Variants in DMXL2 observed in about 807,000 individuals in gnomAD.
DMXL2 encodes the protein dmX-like protein 2.
In DMXL2, 103 loss-of-function variants were observed where a neutral mutation model predicts 331.1. The ratio of observed to expected loss-of-function variants is 0.31; its 90% CI spans 0.27 to 0.37. The LOEUF is 0.37. DMXL2 is among the 10% of genes least tolerant of loss of function. DMXL2 has a pLI of 1.00. For missense variants in DMXL2, 3,171 were observed against 3,642.9 expected (o/e 0.87, Z 3.33); for synonymous variants, 1,281 against 1,252.1 (o/e 1.02, Z -0.49).
intron 15 of DMXL2, among the ~76,000 whole-genome samples, chr15:51,509,455 A>G (rs973245178): frequency 2.0e-5 from 3 of 152,266 alleles, no homozygotes; most frequent in Non-Finnish European, 2.9e-5. Flanking sequence ...TAGAAAATCT[A>G]GAAGAAATGG....
intron 20 of DMXL2, among the ~76,000 whole-genome samples, chr15:51,490,248 T>C (rs762559861): frequency 2.0e-5 from 3 of 152,204 alleles, no homozygotes; most frequent in African/African-American, 4.8e-5. Context: ...CTGAGAACCA[T>C]GCACACCAGA....
In DMXL2 at chr15:51,577,855, T is replaced by C. The variant is rs563539941; in HGVS notation, c.88-1674A>G. On this transcript the variant is annotated intron_variant, in intron 1 of 43. Transcript: ENST00000560891. The stretch of plus-strand genomic sequence containing the variant: ...TTTAAGTTCCCTAAGCATTTCCTCA[T>C]GGTAAAATGAAGCAAATAATACTTG... Among the ~76,000 whole-genome samples the C allele has an allele frequency of 8.7e-4, 132 of 152,322 alleles. No individual in the cohort carries two copies. In the Middle Eastern group the frequency reaches 0.01, roughly 12 times the overall value.
chr15:51,572,267 A>T (rs2050724095), intron 2 of DMXL2, among the ~76,000 whole-genome samples: 1 of 122,782 alleles, frequency 8.1e-6, no homozygotes, highest in Non-Finnish European at 1.9e-5. Flanking sequence ...GACCAATAAG[A>T]GGTTCTGAAA....
Position 51,465,603 on chromosome 15 carries a change from G to T in DMXL2, c.7569C>A (p.Val2523=). ...LTMVKLALHN[V]KNFFPIAGLE... Reference sequence around the variant, plus strand: ...GTCCAGCAATAGGAAAGAAATTCTTGACATTGTGAAGTGCTAGTTTAACCA... The same window carrying T: ...GTCCAGCAATAGGAAAGAAATTCTTTACATTGTGAAGTGCTAGTTTAACCA... Residue 2523 remains valine, a synonymous_variant, in exon 31 of 44, where the codon GTC becomes GTA. Coordinates refer to ENST00000560891, the MANE Select transcript of DMXL2 (RefSeq NM_001378457.1). The T allele has an allele frequency of 6.2e-7, 1 of 1,608,000 alleles. No individual in the cohort carries two copies. The highest frequency in any genetic ancestry group is 8.5e-7 in the Non-Finnish European group (1 of 1,178,112).
chr15:51,575,262 C>T (rs2050945092), intron 2 of DMXL2, among the ~76,000 whole-genome samples: 1 of 151,996 alleles, frequency 6.6e-6, no homozygotes, highest in African/African-American at 2.4e-5. Flanking sequence ...TATTTATCAC[C>T]ATGAATATTC....
Position 51,470,596 on chromosome 15 carries a change from C to T in DMXL2, c.7392+627G>A, listed in dbSNP as rs780083012. Among the ~76,000 whole-genome samples, 53 of 152,166 alleles carry T rather than the reference C, an allele frequency of 3.5e-4. 1 individual carries two copies. Among genetic ancestry groups the T allele is most frequent in the Admixed American group, 1.3e-3 (20 of 15,280 alleles). On this transcript the variant is annotated intron_variant, in intron 29 of 43. Coordinates refer to ENST00000560891, the MANE Select transcript of DMXL2 (RefSeq NM_001378457.1). ...AGGCATGACTCTGGAGATGTATTCC[C>T]TCATGTGTATGCACAGCAAGGTAAC...
intron 6 of DMXL2, among the ~76,000 whole-genome samples, chr15:51,562,649 T>G (rs186263375): frequency 3.3e-5 from 5 of 152,018 alleles, no homozygotes; most frequent in Non-Finnish European, 7.4e-5. Flanking sequence ...ATTAGGTATA[T>G]AGAAAAAAAA....
chr15:51,569,130 C>T (rs2050485758), intron 2 of DMXL2, among the ~76,000 whole-genome samples: 1 of 152,226 alleles, frequency 6.6e-6, no homozygotes, highest in Admixed American at 6.5e-5. Flanking sequence ...AGGAAATTTT[C>T]TCCAGTGTCT....
intron 1 of DMXL2, among the ~76,000 whole-genome samples, chr15:51,622,167 G>C (rs1006417739): frequency 6.6e-6 from 1 of 152,210 alleles, no homozygotes; most frequent in Non-Finnish European, 1.5e-5. Context: ...AGACCGAAGG[G>C]CCGCCCTAGG....
intron 1 of DMXL2, among the ~76,000 whole-genome samples, chr15:51,586,518 G>A (rs975994630): frequency 7.9e-5 from 12 of 151,792 alleles, no homozygotes; most frequent in African/African-American, 2.9e-4. Context: ...TGGCCTGAAA[G>A]AAAGAACTTT....
rs1204943773 is a variant in DMXL2, at chr15:51,538,868, TG to T, written c.1106-417del. ...GAGAATTTTAGGAGATACTTGCTAATGTAAGGGTGATACACCATGATAGGTG... is the reference window on the plus strand; with the variant it reads ...GAGAATTTTAGGAGATACTTGCTAATTAAGGGTGATACACCATGATAGGTG... On this transcript the variant is annotated intron_variant, in intron 9 of 43. Transcript: ENST00000560891. 2.0e-5 allele frequency among the ~76,000 whole-genome samples: 3 copies of T among 152,246 alleles called. No individual in the cohort carries two copies. The East Asian group carries it at 5.8e-4, about 29-fold the overall frequency.
intron 1 of DMXL2, among the ~76,000 whole-genome samples, chr15:51,577,947 C>T (rs1259617987): frequency 6.6e-6 from 1 of 152,142 alleles, no homozygotes; most frequent in African/African-American, 2.4e-5. Context: ...CAGAACAGTG[C>T]ACCAAGTCTC....
intron 1 of DMXL2, among the ~76,000 whole-genome samples, chr15:51,615,405 G>C (rs1270148629): frequency 6.6e-6 from 1 of 152,182 alleles, no homozygotes; most frequent in East Asian, 1.9e-4. Context: ...ACAAATCAGG[G>C]TTTGTCACAA....
chr15:51,573,934 A>C (rs922192216), intron 2 of DMXL2, among the ~76,000 whole-genome samples: 14 of 152,110 alleles, frequency 9.2e-5, no homozygotes, highest in Non-Finnish European at 1.6e-4. Flanking sequence ...TACATTTCAA[A>C]AGCATGCATC....
chr15:51,535,723 G>A lies in DMXL2; in HGVS notation c.2376C>T (p.Leu792=). ...FVASDGKNLR[L]YQAVVDARKL... is the part of the protein sequence containing the mutation. Reference sequence around the variant, plus strand: ...TCCTTGCATCCACTACAGCTTGATAGAGTCTCAGATTTTTGCCATCAGAAG... The same window carrying A: ...TCCTTGCATCCACTACAGCTTGATAAAGTCTCAGATTTTTGCCATCAGAAG... Residue 792 remains leucine, a synonymous_variant, in exon 13 of 44, where the codon CTC becomes CTT. Coordinates refer to ENST00000560891, the MANE Select transcript of DMXL2 (RefSeq NM_001378457.1). The A allele has an allele frequency of 6.2e-7, 1 of 1,610,182 alleles. No individual in the cohort carries two copies. Among genetic ancestry groups the A allele is most frequent in the Non-Finnish European group, 8.5e-7 (1 of 1,177,988 alleles).
At chr15:51,494,744 C>T (rs370098977) in intron 19 of DMXL2, among the ~76,000 whole-genome samples, 7 of 152,246 alleles carry the variant, frequency 4.6e-5, no homozygotes, top group Middle Eastern at 3.4e-3. Flanking sequence ...TGTAGACAGC[C>T]ACTTTGGGTT....
chr15:51,529,851 T>C (rs903817908), intron 13 of DMXL2, among the ~76,000 whole-genome samples: 2 of 151,576 alleles, frequency 1.3e-5, no homozygotes, highest in African/African-American at 4.9e-5. Flanking sequence ...GATGCAAAAA[T>C]CCTAAACAAA....
chr15:51,622,697 T>A lies in DMXL2; in HGVS notation c.-152A>T. 7.2e-7 allele frequency: 1 copy of A among 1,382,164 alleles called. No individual in the cohort carries two copies. The highest frequency in any genetic ancestry group is 1.5e-5 in the South Asian group (1 of 65,540). The allele number at this position is 1,382,164 out of a possible 1,614,324, so 85.6% of individuals were successfully genotyped here. ...TTAACTCCTCGCCCCCCTTTCGCCTTCCCTCCGCCTCGTCCCTGCCATGGG... is the reference window on the plus strand; with the variant it reads ...TTAACTCCTCGCCCCCCTTTCGCCTACCCTCCGCCTCGTCCCTGCCATGGG... On this transcript the variant is annotated 5_prime_UTR_variant, in exon 1 of 44. Transcript: ENST00000560891.
intron 13 of DMXL2, among the ~76,000 whole-genome samples, chr15:51,520,857 A>AAAAT (rs1249430255): frequency 9.9e-5 from 15 of 152,126 alleles, no homozygotes; most frequent in Admixed American, 2.6e-4. Flanking sequence ...ATTCAGACTC[A>AAAAT]AAATAAATAA....
Sources: gnomAD v4.1 joint callset for allele counts (sites outside exome capture counted in the v4.1 genomes callset) on GRCh38, gnomAD v4.1.1 for gene constraint, MANE v1.5 for transcripts, NCBI Gene and HGNC (gene_info 2026-07-23, HGNC 2026-07-21) for gene names.